USP25: variants seen among roughly 807,000 people sequenced by gnomAD.
USP25 encodes ubiquitin carboxyl-terminal hydrolase 25.
In USP25, 85 loss-of-function variants were observed where a neutral mutation model predicts 158.5. The ratio of observed to expected loss-of-function variants is 0.54; its 90% CI spans 0.45 to 0.64. USP25 has a LOEUF of 0.64. Ranked by LOEUF, USP25 falls within the 30% of genes least tolerant of loss-of-function variation. USP25 has a pLI of 0.00. For synonymous variants in USP25, 464 were observed against 460.4 expected (o/e 1.01, Z -0.10); for missense variants, 1,242 against 1,327.3 (o/e 0.94, Z 1.00).
chr21:15,808,930 A>T (rs777474144), intron 8 of USP25, 45 bp downstream of exon 8: 7 of 1,327,460 alleles, frequency 5.3e-6, no homozygotes, highest in Non-Finnish European at 7.5e-6. Context: ...GGAATTCATT[A>T]GATAGCATGT....
intron 5 of USP25, among the ~76,000 whole-genome samples, chr21:15,798,713 A>G (rs971102659): frequency 6.6e-6 from 1 of 150,668 alleles, no homozygotes; most frequent in African/African-American, 2.4e-5. Flanking sequence ...ACAAGATAAA[A>G]TTTTTTTTTA....
At chr21:15,730,540 G>T (rs74858409) in intron 1 of USP25, 102 bp downstream of exon 1, 3 of 1,226,850 alleles carry the variant, frequency 2.4e-6, no homozygotes, top group Non-Finnish European at 3.1e-6. Context: ...CCGCCTTCCC[G>T]GGCTTCCTCC....
chr21:15,826,320 C>T lies in USP25; in HGVS notation c.1421C>T (p.Ala474Val). The T allele has an allele frequency of 1.2e-6, 2 of 1,614,080 alleles. No individual in the cohort carries two copies. Among genetic ancestry groups the T allele is most frequent in the Non-Finnish European group, 1.7e-6 (2 of 1,179,956 alleles). The change falls in exon 13 of 26, where the codon GCT becomes GTT. Residue 474 changes from alanine (A) to valine (V), a missense_variant. Around this residue, in one of 3 missense-constraint regions of USP25, gnomAD observed 627 missense variants for 701.4 expected, o/e 0.89. Transcript: ENST00000400183. The surrounding 1 kb of genome is among the most constrained non-coding windows in gnomAD (Gnocchi z 4.8). ...VCTSPVDDID[A>V]SSPPSGSIPS... ...ACTTCTCCTGTTGACGATATTGACG[C>T]TAGTTCCCCACCTAGTGGTTCCATA... is the stretch of plus-strand genomic sequence containing the variant.
chr21:15,878,488 C>G lies in USP25; in HGVS notation c.*13C>G. On this transcript the variant is annotated 3_prime_UTR_variant, in exon 26 of 26. Coordinates refer to ENST00000400183, the MANE Select transcript of USP25 (RefSeq NM_001283041.3). ...TGATGGAAGATAAACTGCACACTTT[C>G]CCTGAACACACTGTATAAACTCTTT... is the stretch of plus-strand genomic sequence containing the variant. 4.3e-6 allele frequency: 7 copies of G among 1,613,596 alleles called. No homozygotes were observed. Among genetic ancestry groups the G allele is most frequent in the Non-Finnish European group, 5.1e-6 (6 of 1,179,666 alleles).
chr21:15,778,173 A>T (rs1440872496), intron 4 of USP25, 146 bp downstream of exon 4: 2 of 799,060 alleles, frequency 2.5e-6, no homozygotes, highest in Non-Finnish European at 3.5e-6. Flanking sequence ...ATTTTATGTA[A>T]CCAAAATCTT....
At chr21:15,748,538 A>T (rs2032752598) in intron 1 of USP25, among the ~76,000 whole-genome samples, 1 of 147,954 alleles carries the variant, frequency 6.8e-6, no homozygotes, top group Non-Finnish European at 1.5e-5. Context: ...GGTGTTAAGC[A>T]AACCTTTCAC....
At chr21:15,872,180 T>C (rs2039923185) in intron 23 of USP25, among the ~76,000 whole-genome samples, 1 of 152,058 alleles carries the variant, frequency 6.6e-6, no homozygotes, top group African/African-American at 2.4e-5. Flanking sequence ...TTGTGAGTCC[T>C]GAGAACAGTG....
chr21:15,804,608 AT>A (rs1455565614), intron 6 of USP25, among the ~76,000 whole-genome samples: 3 of 152,174 alleles, frequency 2.0e-5, no homozygotes, highest in Middle Eastern at 3.4e-3. Context: ...AAAGGCATTT[AT>A]TTCAGTAGAT....
chr21:15,824,668 G>A (rs865889408), intron 11 of USP25, among the ~76,000 whole-genome samples: 1 of 152,264 alleles, frequency 6.6e-6, no homozygotes, highest in Middle Eastern at 3.4e-3. Context: ...CCAGGCTGGA[G>A]TGCAGTGGTG....
At chr21:15,794,514 C>G (rs966564322) in intron 5 of USP25, among the ~76,000 whole-genome samples, 5 of 151,304 alleles carry the variant, frequency 3.3e-5, no homozygotes, top group African/African-American at 1.2e-4. Flanking sequence ...GGTGTATGTT[C>G]TTCTCTGTAG....
intron 20 of USP25, among the ~76,000 whole-genome samples, chr21:15,854,553 C>G (rs965928353): frequency 1.3e-5 from 2 of 152,126 alleles, no homozygotes; most frequent in Admixed American, 1.3e-4. Context: ...CTTTTTAACT[C>G]TGTGCCTGTT....
In USP25 at chr21:15,762,883, C is replaced by A. The variant is rs779745353; in HGVS notation, c.46-8C>A. 1.2e-6 allele frequency: 2 copies of A among 1,605,970 alleles called. No individual in the cohort carries two copies. Among genetic ancestry groups the A allele is most frequent in the East Asian group, 4.5e-5 (2 of 44,704 alleles). On this transcript the variant is annotated splice_region_variant and splice_polypyrimidine_tract_variant and intron_variant, in intron 1 of 25. Coordinates refer to ENST00000400183, the MANE Select transcript of USP25 (RefSeq NM_001283041.3). ...AATATAATGATTTTGGGTTTTTCCT[C>A]CCTCTAGCACCAGCAGACGTTTTTG...
intron 3 of USP25, among the ~76,000 whole-genome samples, chr21:15,768,708 T>C (rs1204208563): frequency 6.6e-6 from 1 of 152,122 alleles, no homozygotes; most frequent in Non-Finnish European, 1.5e-5. Context: ...GTTGTAGATA[T>C]AAAAACCCTT....
intron 10 of USP25, among the ~76,000 whole-genome samples, chr21:15,820,192 T>C (rs966322232): frequency 6.6e-6 from 1 of 152,068 alleles, no homozygotes; most frequent in Non-Finnish European, 1.5e-5. Flanking sequence ...CCGATCTGTT[T>C]GCTGTTAAAT....
intron 14 of USP25, among the ~76,000 whole-genome samples, chr21:15,827,752 TTGTGTGCGTGTGCGTGTGTGTGTG>T (rs941197125): frequency 1.4e-5 from 2 of 138,546 alleles, no homozygotes; most frequent in African/African-American, 2.9e-5. Flanking sequence ...GTGTGTGCAC[TTGTGTGCGTGTGCGTGTGTGTGTG>T]TGTGTGTGTG....
chr21:15,734,187 A>G (rs1171586454), intron 1 of USP25, among the ~76,000 whole-genome samples: 1 of 152,218 alleles, frequency 6.6e-6, no homozygotes, highest in Admixed American at 6.5e-5. Flanking sequence ...GAATTCCTCC[A>G]AAGATGAGGG....
At chr21:15,821,275 G>A (rs1009232019) in intron 10 of USP25, among the ~76,000 whole-genome samples, 1 of 151,876 alleles carries the variant, frequency 6.6e-6, no homozygotes, top group African/African-American at 2.4e-5. Flanking sequence ...AGAGCTTTAC[G>A]TCAGTGTTTT....
At chr21:15,759,376 C>T (rs2033589818) in intron 1 of USP25, among the ~76,000 whole-genome samples, 1 of 152,102 alleles carries the variant, frequency 6.6e-6, no homozygotes, top group Non-Finnish European at 1.5e-5. Flanking sequence ...GTGACACAGC[C>T]TCAGGATGTC....
chr21:15,847,344 A>G lies in USP25; in HGVS notation c.2338-319A>G, dbSNP rs189455048. On this transcript the variant is annotated intron_variant, in intron 18 of 25. Transcript: ENST00000400183. ...CTAAATACTTTCAGGGAAAAATGTA[A>G]TGATATTGGTAATACCCAGTTTGAG... Among the ~76,000 whole-genome samples, 6 of 152,290 alleles carry G rather than the reference A, an allele frequency of 3.9e-5. No homozygotes were observed. In the South Asian group the frequency reaches 6.2e-4, roughly 16 times the overall value.
Sources: allele counts gnomAD v4.1 joint callset (sites outside exome capture counted in the v4.1 genomes callset), GRCh38; gene constraint gnomAD v4.1.1; regional missense constraint gnomAD v4.1.1; non-coding constraint Gnocchi (gnomAD v3.1); transcripts MANE v1.5; gene names NCBI Gene and HGNC (gene_info 2026-07-23, HGNC 2026-07-21).